The following ITGBL1 variants were observed in gnomAD, a reference collection of about 807,000 sequenced individuals.
ITGBL1 encodes integrin beta-like protein 1.
Under a neutral mutation model 68.5 loss-of-function variants are expected in ITGBL1, and 51 were observed. That is an observed-to-expected ratio of 0.74 (90% CI 0.59 to 0.94). ITGBL1 has a LOEUF of 0.94. Ranked by LOEUF, ITGBL1 falls within the 40% of genes least tolerant of loss-of-function variation. The pLI, the probability that ITGBL1 is intolerant of heterozygous loss-of-function variation, is 0.00. For missense variants in ITGBL1, 649 were observed against 647.4 expected (o/e 1.00, Z -0.03); for synonymous variants, 209 against 227.3 (o/e 0.92, Z 0.72).
intron 4 of ITGBL1, among the ~76,000 whole-genome samples, chr13:101,579,024 T>C (rs2050409464): frequency 6.6e-6 from 1 of 152,242 alleles, no homozygotes; most frequent in Non-Finnish European, 1.5e-5. Context: ...TGGTCATTCA[T>C]GTCATTTCTT....
intron 7 of ITGBL1, among the ~76,000 whole-genome samples, chr13:101,619,117 AT>A (rs1281350791): frequency 6.6e-6 from 1 of 152,114 alleles, no homozygotes; most frequent in Non-Finnish European, 1.5e-5. Context: ...AGCCTTCTTA[AT>A]GTAACAAAGA....
At chr13:101,671,623 A>G (rs1200962306) in intron 7 of ITGBL1, among the ~76,000 whole-genome samples, 1 of 150,236 alleles carries the variant, frequency 6.7e-6, no homozygotes, top group African/African-American at 2.5e-5. Context: ...TATTTTTAGT[A>G]GAGGCGGGGT....
chr13:101,669,648 A>G (rs976785688), intron 7 of ITGBL1, among the ~76,000 whole-genome samples: 2 of 152,190 alleles, frequency 1.3e-5, no homozygotes, highest in African/African-American at 4.8e-5. Flanking sequence ...AAATTTGCAG[A>G]AAGTTTTTAT....
chr13:101,538,445 G>A (rs1315123429), intron 2 of ITGBL1, among the ~76,000 whole-genome samples: 2 of 152,138 alleles, frequency 1.3e-5, no homozygotes, highest in East Asian at 3.9e-4. Context: ...AGAAACACTG[G>A]CTTACAGTTG....
At chr13:101,471,508 ATATGTGTGTGTGTGTGTGTATG>A (rs1354243046) in intron 2 of ITGBL1, among the ~76,000 whole-genome samples, 36 of 126,636 alleles carry the variant, frequency 2.8e-4, no homozygotes, top group East Asian at 1.5e-3. Context: ...ACACAAATAT[ATATGTGTGTGTGTGTGTGTATG>A]TATGTGTGTG....
chr13:101,671,273 C>T (rs1232200044), intron 7 of ITGBL1, among the ~76,000 whole-genome samples: 2 of 152,022 alleles, frequency 1.3e-5, no homozygotes, highest in Non-Finnish European at 1.5e-5. Context: ...AAATTAATTA[C>T]ATGAAGTGAA....
intron 6 of ITGBL1, among the ~76,000 whole-genome samples, chr13:101,593,470 A>C (rs1393577445): frequency 6.6e-6 from 1 of 152,060 alleles, no homozygotes; most frequent in African/African-American, 2.4e-5. Context: ...ATATATCTGT[A>C]CCCCTTTATT....
chr13:101,513,873 T>C (rs1184707873), intron 2 of ITGBL1, among the ~76,000 whole-genome samples: 1 of 152,126 alleles, frequency 6.6e-6, no homozygotes, highest in African/African-American at 2.4e-5. Context: ...ATACTCCTGA[T>C]CTCAAAGAAC....
rs141357679 is a variant in ITGBL1 at position 101,549,813 on chromosome 13, G to A, written c.317-17886G>A. On this transcript the variant is annotated intron_variant, in intron 2 of 10. Transcript: ENST00000376180. ...GTTGGTAAGTGTATTCTTACACATT[G>A]TCGGTGAAAATAAATTTAATATAAC... Among the ~76,000 whole-genome samples the A allele has an allele frequency of 6.9e-3, 1,044 of 151,780 alleles. 5 individuals are homozygous for A. Among genetic ancestry groups the A allele is most frequent in the Non-Finnish European group, 0.012 (832 of 67,870 alleles).
intron 8 of ITGBL1, among the ~76,000 whole-genome samples, chr13:101,702,251 T>A (rs1187230304): frequency 2.0e-5 from 3 of 152,194 alleles, no homozygotes; most frequent in African/African-American, 7.2e-5. Context: ...TTCTCTCTTT[T>A]TACTTGTTTA....
chr13:101,466,907 AC>A (rs2048389386), intron 2 of ITGBL1, among the ~76,000 whole-genome samples: 2 of 152,172 alleles, frequency 1.3e-5, no homozygotes. Context: ...GTAACAAGAT[AC>A]CCTAGACTGA....
intron 2 of ITGBL1, among the ~76,000 whole-genome samples, chr13:101,502,902 G>A (rs1482298551): frequency 6.6e-6 from 1 of 152,120 alleles, no homozygotes; most frequent in Non-Finnish European, 1.5e-5. Flanking sequence ...AAGATGTATT[G>A]GATTGTTCCT....
rs1204336867 is a variant in ITGBL1 at position 101,653,860 on chromosome 13, TTTGTTTTTTG to T, written c.1016-38722_1016-38713del. 4.6e-5 allele frequency among the ~76,000 whole-genome samples: 3 copies of T among 65,852 alleles called. 1 individual carries two copies. The highest frequency in any genetic ancestry group is 4.5e-4 in the Admixed American group (3 of 6,734). The allele number at this position is 65,852 out of a possible 152,430, so 43.2% of individuals were successfully genotyped here. A position where few individuals can be genotyped will look rare whatever the true frequency, so the allele number is the denominator to read the frequency against. On this transcript the variant is annotated intron_variant, in intron 7 of 10. Coordinates refer to ENST00000376180, the MANE Select transcript of ITGBL1 (RefSeq NM_004791.3). ...CGCACCACCATGCCCAGCTACTTTT[TTTGTTTTTTG>T]TTTTTTTTTTTTTGTATTTTTAGTA...
chr13:101,715,438 C>T, intron 10 of ITGBL1, 125 bp from the exon 11 acceptor site: 2 of 742,690 alleles, frequency 2.7e-6, no homozygotes, highest in Admixed American at 2.0e-5. Context: ...CATCATTGCA[C>T]AATAAGAAAA....
intron 7 of ITGBL1, among the ~76,000 whole-genome samples, chr13:101,612,768 G>A (rs919874641): frequency 2.2e-4 from 34 of 152,166 alleles, no homozygotes; most frequent in African/African-American, 8.2e-4. Flanking sequence ...GTGAGCACAG[G>A]GCGACACTAT....
At chr13:101,664,419 A>C (rs546986627) in intron 7 of ITGBL1, among the ~76,000 whole-genome samples, 2 of 152,290 alleles carry the variant, frequency 1.3e-5, no homozygotes, top group South Asian at 4.1e-4. Flanking sequence ...GATCTCTATT[A>C]TAATAATTGT....
chr13:101,509,458 C>T (rs547415120), intron 2 of ITGBL1, among the ~76,000 whole-genome samples: 1 of 152,188 alleles, frequency 6.6e-6, no homozygotes, highest in African/African-American at 2.4e-5. Context: ...AACATTCATC[C>T]CTCATTTTAA....
chr13:101,630,144 T>C (rs944897199), intron 7 of ITGBL1, among the ~76,000 whole-genome samples: 1 of 152,174 alleles, frequency 6.6e-6, no homozygotes, highest in Non-Finnish European at 1.5e-5. Flanking sequence ...TTGTTAAAAT[T>C]TCAAAGTAAA....
chr13:101,717,610 T>G (rs1315937961), downstream of ITGBL1: 1 of 152,156 alleles, frequency 6.6e-6, no homozygotes, highest in Non-Finnish European at 1.5e-5. Context: ...TATCCTCCTA[T>G]TAAGGATCAG....
Sources: gnomAD v4.1 joint callset for allele counts (sites outside exome capture counted in the v4.1 genomes callset) on GRCh38, gnomAD v4.1.1 for gene constraint, MANE v1.5 for transcripts, NCBI Gene and HGNC (gene_info 2026-07-23, HGNC 2026-07-21) for gene names.